Variants in DCAF6 observed in about 807,000 individuals in gnomAD.
DCAF6 encodes DDB1 and CUL4 associated factor 6.
DCAF6 carries 54 observed loss-of-function variants against 125.1 expected under a neutral mutation model. The ratio of observed to expected loss-of-function variants is 0.43; its 90% CI spans 0.35 to 0.54. The LOEUF is 0.54. DCAF6 is among the 20% of genes least tolerant of loss of function. The probability of loss-of-function intolerance (pLI) is 0.01; values close to 1 mark genes in which losing one functional copy is unlikely to be tolerated. For missense variants in DCAF6, 934 were observed against 1,161.7 expected (o/e 0.80, Z 2.85); for synonymous variants, 371 against 390.4 (o/e 0.95, Z 0.58).
intron 9 of DCAF6, 56 bp downstream of exon 9, chr1:168,004,045 A>C: frequency 6.3e-7 from 1 of 1,581,684 alleles, no homozygotes; most frequent in Non-Finnish European, 8.6e-7. Context: ...TACTTATTGA[A>C]GCCAGTTTTT....
intron 1 of DCAF6, among the ~76,000 whole-genome samples, chr1:167,938,954 A>G (rs1201790235): frequency 6.6e-6 from 1 of 152,228 alleles, no homozygotes; most frequent in African/African-American, 2.4e-5. Context: ...ATGTGTATGT[A>G]TACATACAGG....
intron 16 of DCAF6, 129 bp downstream of exon 16, chr1:168,045,356 TAAAG>T (rs200895023): frequency 0.011 from 8,333 of 791,686 alleles, 75 homozygotes; most frequent in Middle Eastern, 0.019. Flanking sequence ...CATATAAACT[TAAAG>T]AAACTTTACA....
chr1:167,926,716 A>C, the DCAF6 span, among the ~76,000 whole-genome samples: 4 of 152,196 alleles, frequency 2.6e-5, no homozygotes, highest in Non-Finnish European at 5.9e-5. Flanking sequence ...GCTCCCAGAA[A>C]GTAGAGGGTT....
Position 168,044,524 on chromosome 1 carries a change from C to A in DCAF6, c.1844-61C>A, listed in dbSNP as rs993169077. On this transcript the variant is annotated intron_variant, in intron 14 of 21. Coordinates refer to ENST00000367840, the MANE Select transcript of DCAF6 (RefSeq NM_001198956.2). ...GAGCTGCAGATTTTGGTATTTTCAG[C>A]GATTTTAGAACTAATCCCTCATGGA... The A allele has an allele frequency of 4.0e-6, 5 of 1,246,898 alleles. No homozygotes were observed. In the Admixed American group the frequency reaches 5.5e-5, roughly 14 times the overall value. The allele number at this position is 1,246,898 out of a possible 1,614,324, so 77.2% of individuals were successfully genotyped here. A position where few individuals can be genotyped will look rare whatever the true frequency, so the allele number is the denominator to read the frequency against.
At chr1:167,875,986 G>C in the DCAF6 span, among the ~76,000 whole-genome samples, 4 of 152,128 alleles carry the variant, frequency 2.6e-5, no homozygotes, top group African/African-American at 9.7e-5. Flanking sequence ...GCCAGGCACG[G>C]TGGCTCATGC....
intron 17 of DCAF6, among the ~76,000 whole-genome samples, chr1:168,057,262 T>G (rs990644359): frequency 6.6e-6 from 1 of 152,176 alleles, no homozygotes; most frequent in African/African-American, 2.4e-5. Flanking sequence ...TTTAATGAAT[T>G]TCTGCTTATA....
chr1:168,021,001 A>G (rs1339309354), intron 11 of DCAF6, among the ~76,000 whole-genome samples: 2 of 152,154 alleles, frequency 1.3e-5, no homozygotes, highest in East Asian at 1.9e-4. Flanking sequence ...GAGTAAAACC[A>G]AAAAGGAAAC....
intron 16 of DCAF6, among the ~76,000 whole-genome samples, chr1:168,047,906 TTTAATCTTGAACAACTG>T (rs1291511753): frequency 6.6e-6 from 1 of 152,156 alleles, no homozygotes; most frequent in African/African-American, 2.4e-5. Context: ...ACCATCCTGA[TTTAATCTTGAACAACTG>T]TAAAAAAGTA....
chr1:168,014,671 T>C (rs1684723894), intron 10 of DCAF6, among the ~76,000 whole-genome samples: 1 of 152,236 alleles, frequency 6.6e-6, no homozygotes, highest in Non-Finnish European at 1.5e-5. Context: ...CCAAAAACTT[T>C]GGGATCACTC....
intron 17 of DCAF6, among the ~76,000 whole-genome samples, chr1:168,059,821 A>G (rs960832340): frequency 6.6e-6 from 1 of 151,402 alleles, no homozygotes; most frequent in African/African-American, 2.4e-5. Flanking sequence ...TATTTTTGTG[A>G]TTTTTTTGTG....
intron 10 of DCAF6, 134 bp from the exon 11 acceptor site, chr1:168,015,647 T>C (rs1055463767): frequency 3.0e-5 from 21 of 694,620 alleles, no homozygotes; most frequent in Admixed American, 4.2e-5. Flanking sequence ...TTTTTATCAG[T>C]AATTTGTTTA....
At chr1:168,056,120 A>C in intron 17 of DCAF6, 2 of 1,594,804 alleles carry the variant, frequency 1.3e-6, no homozygotes, top group South Asian at 2.2e-5. Flanking sequence ...TTTCCAAAGC[A>C]CCAAACTCAT....
At chr1:168,015,220 T>C (rs1356181407) in intron 10 of DCAF6, among the ~76,000 whole-genome samples, 1 of 152,244 alleles carries the variant, frequency 6.6e-6, no homozygotes, top group Non-Finnish European at 1.5e-5. Flanking sequence ...ATTGATTATG[T>C]AAATCTTTTT....
At chr1:167,892,844 C>T in the DCAF6 span, among the ~76,000 whole-genome samples, 1 of 152,080 alleles carries the variant, frequency 6.6e-6, no homozygotes, top group South Asian at 2.1e-4. Flanking sequence ...ATAGCCTGTG[C>T]AAAAATTGTA....
At chr1:167,970,098 A>C (rs1677072672) in intron 3 of DCAF6, among the ~76,000 whole-genome samples, 2 of 152,182 alleles carry the variant, frequency 1.3e-5, no homozygotes, top group African/African-American at 4.8e-5. Context: ...ATAATAGAGA[A>C]GATTTCCTGA....
At chr1:168,056,798 A>G (rs1400367606) in intron 17 of DCAF6, among the ~76,000 whole-genome samples, 1 of 152,230 alleles carries the variant, frequency 6.6e-6, no homozygotes, top group Non-Finnish European at 1.5e-5. Flanking sequence ...AAAAATCCCA[A>G]GTTTTAGAAA....
the DCAF6 span, chr1:167,878,386 T>G: frequency 1.3e-6 from 2 of 1,566,358 alleles, no homozygotes; most frequent in East Asian, 4.5e-5. Context: ...ACTGCTTTGC[T>G]ATCATAATTC....
In DCAF6 at chr1:168,003,916, G is replaced by A. The variant is rs1176727452; in HGVS notation, c.1044G>A (p.Met348Ile). 1 of 1,611,954 alleles carries A rather than the reference G, an allele frequency of 6.2e-7. No homozygotes were observed. Among genetic ancestry groups the A allele is most frequent in the Non-Finnish European group, 8.5e-7 (1 of 1,179,222 alleles). Residue 348 changes from methionine to isoleucine, a missense_variant, in exon 9 of 22, where the codon ATG (methionine) becomes ATA (isoleucine). Transcript: ENST00000367840. ...CATTGATGCAGAGAATGTCTGATATGTTATCAAGATGGTTTGAAGAAGCAA... is the reference window on the plus strand; with the variant it reads ...CATTGATGCAGAGAATGTCTGATATATTATCAAGATGGTTTGAAGAAGCAA... ...NVSLMQRMSDMLSRWFEEASE... is the reference protein window; with the variant it reads ...NVSLMQRMSDILSRWFEEASE...
chr1:167,913,328 T>A, the DCAF6 span, among the ~76,000 whole-genome samples: 2 of 152,194 alleles, frequency 1.3e-5, no homozygotes, highest in Admixed American at 6.5e-5. Flanking sequence ...TTTCTCTAAA[T>A]CTCTCCTCTA....
Sources: gnomAD v4.1 joint callset for allele counts (sites outside exome capture counted in the v4.1 genomes callset) on GRCh38, gnomAD v4.1.1 for gene constraint, MANE v1.5 for transcripts, NCBI Gene and HGNC (gene_info 2026-07-23, HGNC 2026-07-21) for gene names.